The following TNR variants were observed in gnomAD, a reference collection of about 807,000 sequenced individuals.
TNR encodes tenascin-R.
A neutral mutation model predicts 150.4 loss-of-function variants in TNR; 45 were observed. The observed-to-expected ratio is 0.30, with a 90% confidence interval of 0.24 to 0.38. The LOEUF (loss-of-function observed/expected upper bound fraction) is 0.38. TNR is among the 10% of genes least tolerant of loss of function. TNR has a pLI of 1.00. For synonymous variants in TNR, 687 were observed against 678.4 expected (o/e 1.01, Z -0.20); for missense variants, 1,544 against 1,759.1 (o/e 0.88, Z 2.19).
intron 1 of TNR, among the ~76,000 whole-genome samples, chr1:175,729,977 C>A (rs182998715): frequency 1.8e-4 from 27 of 152,286 alleles, no homozygotes; most frequent in African/African-American, 6.0e-4. Flanking sequence ...ATGAAAGAGG[C>A]AACAAGCTTG....
At chr1:175,392,230 T>C (rs1653207174) in intron 6 of TNR, among the ~76,000 whole-genome samples, 1 of 152,240 alleles carries the variant, frequency 6.6e-6, no homozygotes, top group Non-Finnish European at 1.5e-5. Context: ...ATACTTTCTA[T>C]GAGTGTCCTT....
rs1482711193 is a variant in TNR, at chr1:175,356,412, C to T, written c.3025G>A (p.Val1009Ile). The change falls in exon 16 of 23, where the codon GTT (valine) becomes ATT (isoleucine). Residue 1009 changes from valine to isoleucine, a missense_variant. By Grantham distance (29) the Val-to-Ile change is conservative. Transcript: ENST00000367674. ...VDGVSEEFRL[V>I]DLLPSTHYTA... Reference sequence around the variant, plus strand: ...TAGTGGGTGCTAGGAAGCAGGTCAACAAGCCGAAATTCCTCACTGACTCCG... The same window carrying T: ...TAGTGGGTGCTAGGAAGCAGGTCAATAAGCCGAAATTCCTCACTGACTCCG... 1 of 1,614,046 alleles carries T rather than the reference C, an allele frequency of 6.2e-7. No homozygotes were observed. The highest frequency in any genetic ancestry group is 1.7e-5 in the Admixed American group (1 of 60,010).
chr1:175,348,913 T>C (rs933705957), intron 18 of TNR, among the ~76,000 whole-genome samples: 2 of 152,026 alleles, frequency 1.3e-5, no homozygotes, highest in African/African-American at 4.8e-5. Context: ...AGGAACCCGG[T>C]GGAAAATTGA....
intron 1 of TNR, among the ~76,000 whole-genome samples, chr1:175,536,227 G>A (rs1253316696): frequency 2.6e-5 from 4 of 152,064 alleles, no homozygotes; most frequent in Non-Finnish European, 5.9e-5. Flanking sequence ...TTTTGAGAAG[G>A]ATTCGTGTGC....
chr1:175,522,891 G>A (rs1438417690), intron 2 of TNR, among the ~76,000 whole-genome samples: 1 of 152,180 alleles, frequency 6.6e-6, no homozygotes, highest in Non-Finnish European at 1.5e-5. Flanking sequence ...CATACCAATG[G>A]ATAATTTTAT....
chr1:175,482,517 C>T (rs573185202), intron 2 of TNR, among the ~76,000 whole-genome samples: 5 of 152,302 alleles, frequency 3.3e-5, no homozygotes, highest in African/African-American at 1.2e-4. Flanking sequence ...ACCATAAGCT[C>T]ATATGCTACC....
At chr1:175,372,652 G>A (rs1025358659) in intron 9 of TNR, among the ~76,000 whole-genome samples, 2 of 152,242 alleles carry the variant, frequency 1.3e-5, no homozygotes, top group African/African-American at 2.4e-5. Flanking sequence ...CATGCCTGCT[G>A]TCGCTAGCAG....
At chr1:175,391,534 T>C (rs1389500490) in intron 6 of TNR, 96 bp from the exon 7 acceptor site, 10 of 1,382,478 alleles carry the variant, frequency 7.2e-6, no homozygotes, top group East Asian at 2.5e-5. Context: ...TAATTGTGGA[T>C]TGTGAATTTA....
At position 175,743,383 on chromosome 1, in the gene TNR, A is replaced by T. The variant is rs1255874880; in HGVS notation, c.-322T>A. On this transcript the variant is annotated 5_prime_UTR_variant, in exon 1 of 23. Transcript: ENST00000367674. ...TTCTGGGAGGAAGAGACAAGGCTCC[A>T]CGAAAGAAATGAAACCCAAGCTGTC... 6 of 152,190 alleles carry T rather than the reference A, an allele frequency of 3.9e-5. No individual in the cohort carries two copies. The highest frequency in any genetic ancestry group is 8.8e-5 in the Non-Finnish European group (6 of 68,062). The allele number at this position is 152,190 out of a possible 1,614,324, so 9.4% of individuals were successfully genotyped here.
chr1:175,561,939 G>A (rs1661446649), intron 1 of TNR, among the ~76,000 whole-genome samples: 1 of 152,042 alleles, frequency 6.6e-6, no homozygotes, highest in Non-Finnish European at 1.5e-5. Context: ...GTTCAGCTAG[G>A]GACCACTCCT....
intron 10 of TNR, among the ~76,000 whole-genome samples, chr1:175,366,886 G>C (rs1010101256): frequency 6.6e-6 from 1 of 152,186 alleles, no homozygotes; most frequent in African/African-American, 2.4e-5. Context: ...CCTGCTGTCG[G>C]GGTGGTCTAG....
chr1:175,535,443 A>ATTT (rs753988581), intron 1 of TNR, among the ~76,000 whole-genome samples: 1 of 121,176 alleles, frequency 8.3e-6, no homozygotes, highest in Non-Finnish European at 1.8e-5. Context: ...TTATTTATTT[A>ATTT]TTTTTTGTTG....
intron 1 of TNR, among the ~76,000 whole-genome samples, chr1:175,536,477 G>C (rs759978282): frequency 6.6e-6 from 1 of 152,242 alleles, no homozygotes; most frequent in Non-Finnish European, 1.5e-5. Context: ...AGGAAACTGA[G>C]ACACAAAGTG....
At chr1:175,535,078 GTATT>G (rs979470277) in intron 1 of TNR, among the ~76,000 whole-genome samples, 1 of 152,128 alleles carries the variant, frequency 6.6e-6, no homozygotes, top group African/African-American at 2.4e-5. Flanking sequence ...CCAGTCTTGG[GTATT>G]TATTCATAGC....
intron 1 of TNR, among the ~76,000 whole-genome samples, chr1:175,629,685 C>T (rs531157460): frequency 6.0e-4 from 91 of 152,160 alleles, no homozygotes; most frequent in African/African-American, 2.0e-3. Flanking sequence ...GAGATCAAAG[C>T]CAACACCATG....
chr1:175,540,529 GT>G (rs2102188644), intron 1 of TNR, among the ~76,000 whole-genome samples: 1 of 152,324 alleles, frequency 6.6e-6, no homozygotes, highest in East Asian at 1.9e-4. Context: ...TGACAGCCCA[GT>G]CTCAGCTACA....
At chr1:175,512,439 G>A (rs1247683167) in intron 2 of TNR, among the ~76,000 whole-genome samples, 1 of 152,212 alleles carries the variant, frequency 6.6e-6, no homozygotes, top group African/African-American at 2.4e-5. Context: ...ACTCTTAGTA[G>A]ACTCTTTTGG....
chr1:175,576,162 C>T (rs373308081), intron 1 of TNR, among the ~76,000 whole-genome samples: 1 of 152,184 alleles, frequency 6.6e-6, no homozygotes, highest in African/African-American at 2.4e-5. Flanking sequence ...CACAGCTGGG[C>T]CTGCTGTGTG....
At chr1:175,454,333 A>T (rs78355458) in intron 2 of TNR, among the ~76,000 whole-genome samples, 2 of 152,274 alleles carry the variant, frequency 1.3e-5, no homozygotes, top group East Asian at 1.9e-4. Context: ...CAGTGTGCCA[A>T]ACTCTACGCT....
Sources: gnomAD v4.1 joint callset for allele counts (sites outside exome capture counted in the v4.1 genomes callset) on GRCh38, gnomAD v4.1.1 for gene constraint, MANE v1.5 for transcripts, NCBI Gene and HGNC (gene_info 2026-07-23, HGNC 2026-07-21) for gene names.